ERG: variants seen among roughly 807,000 people sequenced by gnomAD.
The protein encoded by ERG is ETS transcription factor ERG.
A neutral mutation model predicts 55.3 loss-of-function variants in ERG; 9 were observed. The ratio of observed to expected loss-of-function variants is 0.16; its 90% CI spans 0.10 to 0.28. The LOEUF (loss-of-function observed/expected upper bound fraction) is 0.28. Among genes scored for constraint, ERG ranks in the 10% least tolerant of loss-of-function variants. The probability of loss-of-function intolerance (pLI) is 1.00; values close to 1 mark genes in which losing one functional copy is unlikely to be tolerated. For synonymous variants in ERG, 223 were observed against 237.3 expected (o/e 0.94, Z 0.55); for missense variants, 434 against 631.6 (o/e 0.69, Z 3.35).
intron 7 of ERG, 111 bp from the exon 8 acceptor site, chr21:38,391,826 C>A: frequency 1.2e-6 from 1 of 866,950 alleles, no homozygotes. Flanking sequence ...ACATAATAGT[C>A]TAACTCAGAA....
At chr21:38,485,926 T>C (rs2059280881) in intron 1 of ERG, among the ~76,000 whole-genome samples, 1 of 151,820 alleles carries the variant, frequency 6.6e-6, no homozygotes, top group Non-Finnish European at 1.5e-5. Context: ...TTTTCCCTTC[T>C]TAATAATAAT....
At chr21:38,468,689 T>C (rs1678764677) in intron 1 of ERG, among the ~76,000 whole-genome samples, 1 of 152,060 alleles carries the variant, frequency 6.6e-6, no homozygotes. Flanking sequence ...ATGCTCACTA[T>C]GAAAATGTGG....
At chr21:38,494,602 T>C (rs1663761774) in intron 1 of ERG, among the ~76,000 whole-genome samples, 1 of 152,404 alleles carries the variant, frequency 6.6e-6, no homozygotes, top group East Asian at 1.9e-4. Flanking sequence ...TTAACCTGTG[T>C]TTGTGTTTAA....
At chr21:38,557,108 C>T (rs2059863116) in intron 2 of ERG, among the ~76,000 whole-genome samples, 1 of 152,134 alleles carries the variant, frequency 6.6e-6, no homozygotes, top group Admixed American at 6.6e-5. Context: ...TTCAGCTACT[C>T]CAAAGCTATG....
intron 2 of ERG, among the ~76,000 whole-genome samples, chr21:38,557,022 GTT>G (rs2059862685): frequency 6.6e-6 from 1 of 152,146 alleles, no homozygotes; most frequent in Admixed American, 6.5e-5. Context: ...GTCACATAGA[GTT>G]ACTGGGTCTT....
At chr21:38,393,298 A>G (rs1316361885) in intron 6 of ERG, among the ~76,000 whole-genome samples, 1 of 152,230 alleles carries the variant, frequency 6.6e-6, no homozygotes, top group Admixed American at 6.5e-5. Flanking sequence ...TGATTATCAA[A>G]GCTCTATGTC....
In ERG at chr21:38,486,080, C is replaced by T. The variant is rs112474914; in HGVS notation, c.18+12283G>A. On this transcript the variant is annotated intron_variant, in intron 1 of 9. Transcript: ENST00000288319. Reference sequence around the variant, plus strand: ...TCCTGAGTAGCTGGGACTACAGGTGCGTGCCACCATGCCTGGCTAATTTTT... The same window carrying T: ...TCCTGAGTAGCTGGGACTACAGGTGTGTGCCACCATGCCTGGCTAATTTTT... Among the ~76,000 whole-genome samples, 322 of 151,184 alleles carry T rather than the reference C, an allele frequency of 2.1e-3. 3 individuals carry two copies. The highest frequency in any genetic ancestry group is 7.5e-3 in the African/African-American group (305 of 40,844).
chr21:38,496,856 GA>G (rs993436035), intron 1 of ERG, among the ~76,000 whole-genome samples: 3 of 151,706 alleles, frequency 2.0e-5, no homozygotes, highest in East Asian at 3.9e-4. Context: ...AGTTTTTTGG[GA>G]AAAAAAACCA....
At chr21:38,657,514 T>C (rs988355436) in intron 1 of ERG, among the ~76,000 whole-genome samples, 4 of 152,206 alleles carry the variant, frequency 2.6e-5, no homozygotes, top group African/African-American at 9.6e-5. Flanking sequence ...CACTAGACTT[T>C]GCAATGTTAC....
intron 2 of ERG, among the ~76,000 whole-genome samples, chr21:38,508,248 G>A (rs1309373913): frequency 2.6e-5 from 4 of 152,016 alleles, no homozygotes. Flanking sequence ...GTGAGCTGTG[G>A]AAGTGGCTTT....
At chr21:38,585,824 A>G (rs2060060702), upstream of ERG, among the ~76,000 whole-genome samples, 1 of 151,940 alleles carries the variant, frequency 6.6e-6, no homozygotes, top group South Asian at 2.1e-4. Context: ...TTCGAAACCT[A>G]TGCATAGAGG....
chr21:38,486,163 G>A lies in ERG; in HGVS notation c.18+12200C>T, dbSNP rs142844508. 4.7e-4 allele frequency among the ~76,000 whole-genome samples: 72 copies of A among 151,892 alleles called. No homozygotes were observed. The East Asian group carries it at 0.011, about 23-fold the overall frequency. On this transcript the variant is annotated intron_variant, in intron 1 of 9. Coordinates refer to ENST00000288319, the MANE Select transcript of ERG (RefSeq NM_182918.4). ...TTAGCCAGGATGGTCTCCATCTCCT[G>A]ACCTCGTGATCTGCCCGCCTCAGCC...
At chr21:38,587,650 C>A (rs1236544202), upstream of ERG, among the ~76,000 whole-genome samples, 1 of 152,118 alleles carries the variant, frequency 6.6e-6, no homozygotes, top group Non-Finnish European at 1.5e-5. Flanking sequence ...CGGCGCCCGG[C>A]CAAAGCTGTG....
intron 2 of ERG, among the ~76,000 whole-genome samples, chr21:38,550,028 T>C (rs544095098): frequency 5.9e-5 from 9 of 152,304 alleles, no homozygotes; most frequent in African/African-American, 1.7e-4. Flanking sequence ...CCCTTCCTCA[T>C]TGGTCAGAGT....
intron 2 of ERG, among the ~76,000 whole-genome samples, chr21:38,550,474 T>C (rs928619946): frequency 5.9e-5 from 9 of 152,190 alleles, no homozygotes; most frequent in African/African-American, 2.2e-4. Flanking sequence ...GGAGGTCTCA[T>C]GAATTGCATT....
rs567688390 is a variant in ERG, at chr21:38,493,054, C to T, written c.18+5309G>A. Among the ~76,000 whole-genome samples the T allele has an allele frequency of 2.4e-4, 36 of 152,174 alleles. 1 individual carries two copies. The South Asian group carries it at 7.5e-3, about 32-fold the overall frequency. On this transcript the variant is annotated intron_variant, in intron 1 of 9. Transcript: ENST00000288319. ...AAAAGGGAGAACTGGTATAATCCTT[C>T]CAGAGAATAATCTGGTAATTATTTT...
chr21:38,575,166 T>C (rs1460175817), intron 2 of ERG, among the ~76,000 whole-genome samples: 1 of 152,118 alleles, frequency 6.6e-6, no homozygotes, highest in Non-Finnish European at 1.5e-5. Flanking sequence ...TAAAACAACG[T>C]TCCAACATCG....
At chr21:38,568,677 T>C (rs116707997) in intron 2 of ERG, among the ~76,000 whole-genome samples, 268 of 152,310 alleles carry the variant, frequency 1.8e-3, no homozygotes, top group African/African-American at 5.9e-3. Context: ...TGGTGCCTGA[T>C]CCTCACACAA....
intron 2 of ERG, among the ~76,000 whole-genome samples, chr21:38,438,641 C>T (rs1299532428): frequency 6.6e-6 from 1 of 152,218 alleles, no homozygotes; most frequent in African/African-American, 2.4e-5. Flanking sequence ...CATTGTCTCT[C>T]GCTGCACAGG....
Sources: gnomAD v4.1 joint callset for allele counts (sites outside exome capture counted in the v4.1 genomes callset) on GRCh38, gnomAD v4.1.1 for gene constraint, MANE v1.5 for transcripts, NCBI Gene and HGNC (gene_info 2026-07-23, HGNC 2026-07-21) for gene names.